Variants in USP47 observed in about 807,000 individuals in gnomAD.
USP47 encodes ubiquitin carboxyl-terminal hydrolase 47.
In USP47, 35 loss-of-function variants were observed where a neutral mutation model predicts 165.1. That is an observed-to-expected ratio of 0.21 (90% CI 0.16 to 0.28). The LOEUF (loss-of-function observed/expected upper bound fraction) is 0.28. Among genes scored for constraint, USP47 ranks in the 10% least tolerant of loss-of-function variants. The pLI, the probability that USP47 is intolerant of heterozygous loss-of-function variation, is 1.00. For missense variants in USP47, 1,277 were observed against 1,607.4 expected (o/e 0.79, Z 3.52); for synonymous variants, 531 against 544.5 (o/e 0.98, Z 0.35).
Position 11,956,351 on chromosome 11 carries a change from C to T in USP47, c.*176C>T, listed in dbSNP as rs143572336. On this transcript the variant is annotated 3_prime_UTR_variant, in exon 28 of 28. Transcript: ENST00000527733. ...TGCCCAATGGGCCACTGTTTTGACTCGGAATCATGTTGTGCACTATAGTCA... is the reference window on the plus strand; with the variant it reads ...TGCCCAATGGGCCACTGTTTTGACTTGGAATCATGTTGTGCACTATAGTCA... 1.8e-3 allele frequency: 980 copies of T among 540,558 alleles called. 10 individuals carry two copies. The highest frequency in any genetic ancestry group is 0.018 in the African/African-American group (896 of 50,478). 33.5% of individuals were successfully genotyped at this position (540,558 alleles called of 1,614,324 possible). A position where few individuals can be genotyped will look rare whatever the true frequency, so the allele number is the denominator to read the frequency against.
chr11:11,848,426 A>AT (rs1848543827), intron 1 of USP47, among the ~76,000 whole-genome samples: 1 of 152,204 alleles, frequency 6.6e-6, no homozygotes, highest in Non-Finnish European at 1.5e-5. Context: ...AAAATATGGT[A>AT]TTTGTAATCT....
chr11:11,861,378 G>C (rs1457709285), intron 1 of USP47, among the ~76,000 whole-genome samples: 1 of 152,178 alleles, frequency 6.6e-6, no homozygotes, highest in Non-Finnish European at 1.5e-5. Flanking sequence ...TTACAGGCGT[G>C]AGCTACCACA....
Position 11,952,721 on chromosome 11 carries a change from C to A in USP47, c.3584-20C>A. 1 of 1,569,258 alleles carries A rather than the reference C, an allele frequency of 6.4e-7. No homozygotes were observed. The highest frequency in any genetic ancestry group is 8.6e-7 in the Non-Finnish European group (1 of 1,157,918). ...CCTTCAGAGGAAATAGAATGATGAC[C>A]TAATCTTGCATATTCTTAGGGGTAG... On this transcript the variant is annotated intron_variant, in intron 24 of 27. Transcript: ENST00000527733.
intron 1 of USP47, among the ~76,000 whole-genome samples, chr11:11,859,960 T>C (rs1193745418): frequency 2.6e-5 from 4 of 151,644 alleles, no homozygotes; most frequent in Non-Finnish European, 5.9e-5. Context: ...AAAAATTAGC[T>C]GGGAGTGGTA....
At chr11:11,900,910 TTC>T (rs1852184737) in intron 5 of USP47, among the ~76,000 whole-genome samples, 1 of 152,236 alleles carries the variant, frequency 6.6e-6, no homozygotes, top group Non-Finnish European at 1.5e-5. Flanking sequence ...TTTGAGCATT[TTC>T]TGTTTTAACC....
intron 8 of USP47, among the ~76,000 whole-genome samples, chr11:11,911,857 C>A (rs1853020223): frequency 6.6e-6 from 1 of 151,830 alleles, no homozygotes; most frequent in Admixed American, 6.6e-5. Flanking sequence ...ATGCTCTGGA[C>A]CATAAGACCT....
intron 14 of USP47, among the ~76,000 whole-genome samples, chr11:11,931,398 T>G (rs1462977768): frequency 6.6e-6 from 1 of 152,178 alleles, no homozygotes; most frequent in African/African-American, 2.4e-5. Context: ...TTCAATAATT[T>G]ACTATGGAAT....
rs79346456 is a variant in USP47 at position 11,903,112 on chromosome 11, C to T, written c.740-151C>T. The T allele has an allele frequency of 9.6e-3, 7,261 of 759,190 alleles. 385 individuals are homozygous for T. In the African/African-American group the frequency reaches 0.11, roughly 12 times the overall value. 47.0% of individuals were successfully genotyped at this position (759,190 alleles called of 1,614,324 possible). On this transcript the variant is annotated intron_variant, in intron 6 of 27. Coordinates refer to ENST00000527733, the MANE Select transcript of USP47 (RefSeq NM_001282659.2). The stretch of plus-strand genomic sequence containing the variant: ...ATTTTCTGGCGTGTGATTTCCTTTT[C>T]ATGACTGTCATGTATATTCTTATGT...
At chr11:11,872,290 G>C (rs1850117385) in intron 1 of USP47, among the ~76,000 whole-genome samples, 2 of 152,126 alleles carry the variant, frequency 1.3e-5, no homozygotes, top group African/African-American at 4.8e-5. Context: ...ATGGAGGCTG[G>C]GTTCTAACAG....
At chr11:11,892,219 G>C (rs1020811228) in intron 4 of USP47, 113 bp downstream of exon 4, 2 of 1,213,646 alleles carry the variant, frequency 1.6e-6, no homozygotes, top group African/African-American at 3.1e-5. Flanking sequence ...ACCTAGAGCA[G>C]GAGTACTAGC....
intron 1 of USP47, among the ~76,000 whole-genome samples, chr11:11,846,540 A>G (rs966450205): frequency 1.3e-5 from 2 of 152,142 alleles, no homozygotes; most frequent in Admixed American, 6.5e-5. Context: ...CCTGTCTTTC[A>G]TGCAATCACT....
At chr11:11,885,099 T>C (rs1851068687) in intron 3 of USP47, among the ~76,000 whole-genome samples, 1 of 152,240 alleles carries the variant, frequency 6.6e-6, no homozygotes, top group South Asian at 2.1e-4. Context: ...CACATTTCAG[T>C]GGACTTTCCT....
In USP47 at chr11:11,860,020, C is replaced by T. The variant is rs181994176; in HGVS notation, c.39+17796C>T. ...TTGGGAGGCTGAGACAGAAGAATTG[C>T]GTGAACCCGGGAGATGTAGGCTGCA... On this transcript the variant is annotated intron_variant, in intron 1 of 27. Transcript: ENST00000527733. Among the ~76,000 whole-genome samples, 110 of 150,532 alleles carry T rather than the reference C, an allele frequency of 7.3e-4. 1 individual carries two copies. The highest frequency in any genetic ancestry group is 2.5e-3 in the African/African-American group (104 of 40,968).
intron 11 of USP47, among the ~76,000 whole-genome samples, chr11:11,926,631 T>C (rs1157958256): frequency 8.7e-6 from 1 of 115,524 alleles, no homozygotes; most frequent in African/African-American, 2.6e-5. Context: ...CTTAGTTTCA[T>C]TTTTTTTTCC....
At chr11:11,926,461 G>A (rs1203931637) in intron 11 of USP47, among the ~76,000 whole-genome samples, 1 of 152,010 alleles carries the variant, frequency 6.6e-6, no homozygotes, top group Non-Finnish European at 1.5e-5. Context: ...TATCCAATTT[G>A]TTGGCATATA....
At chr11:11,895,188 A>G (rs1851773067) in intron 4 of USP47, among the ~76,000 whole-genome samples, 1 of 152,198 alleles carries the variant, frequency 6.6e-6, no homozygotes, top group Admixed American at 6.5e-5. Flanking sequence ...AAATTATATT[A>G]GTAAGTTGAA....
intron 1 of USP47, among the ~76,000 whole-genome samples, chr11:11,858,791 C>A (rs1216903420): frequency 1.3e-5 from 2 of 152,182 alleles, no homozygotes; most frequent in East Asian, 3.8e-4. Context: ...TATCCATTTA[C>A]CAGCTGATAA....
At position 11,940,480 on chromosome 11, in the gene USP47, A is replaced by G; in HGVS notation, c.2245A>G (p.Asn749Asp). The change falls in exon 19 of 28, where the codon AAT (asparagine) becomes GAT (aspartate). Residue 749 changes from asparagine (N) to aspartate (D), a missense_variant. Asn to Asp is a conservative substitution (Grantham distance 23, BLOSUM62 1). Coordinates refer to ENST00000527733, the MANE Select transcript of USP47 (RefSeq NM_001282659.2). ...TMRIVLERCY[N>D]DLRLLSVSSK... ...GAGAATAGTGCTGGAACGCTGCTAC[A>G]ATGATTTGCGTCTTCTCAGTGTCTC... The G allele has an allele frequency of 1.2e-6, 2 of 1,612,034 alleles. No homozygotes were observed. The highest frequency in any genetic ancestry group is 1.7e-6 in the Non-Finnish European group (2 of 1,178,628).
At chr11:11,861,909 A>G (rs892227319) in intron 1 of USP47, among the ~76,000 whole-genome samples, 2 of 152,160 alleles carry the variant, frequency 1.3e-5, no homozygotes, top group African/African-American at 4.8e-5. Context: ...ACCATGATAC[A>G]TTGAACAACA....
Sources: gnomAD v4.1 joint callset for allele counts (sites outside exome capture counted in the v4.1 genomes callset) on GRCh38, gnomAD v4.1.1 for gene constraint, MANE v1.5 for transcripts, NCBI Gene and HGNC (gene_info 2026-07-23, HGNC 2026-07-21) for gene names.